FHIT: variants seen among roughly 807,000 people sequenced by gnomAD.
FHIT encodes the protein fragile histidine triad diadenosine triphosphatase, also known as bis(5'-adenosyl)-triphosphatase.
A neutral mutation model predicts 17.9 loss-of-function variants in FHIT; 19 were observed. The observed-to-expected ratio is 1.06, with a 90% CI of 0.74 to 1.56. The LOEUF (loss-of-function observed/expected upper bound fraction) is 1.56, where lower values mean the gene tolerates loss of function less well. FHIT is among the 40% of genes most tolerant of loss of function. The probability of loss-of-function intolerance (pLI) is 0.00; values close to 1 mark genes in which losing one functional copy is unlikely to be tolerated. For missense variants in FHIT, 248 were observed against 189.2 expected, an observed-to-expected ratio of 1.31 and a Z score of -1.82; for synonymous variants, 81 against 69.7, an observed-to-expected ratio of 1.16 and a Z score of -0.81.
chr3:60,860,725 T>C (rs1229473641), intron 3 of FHIT, among the ~76,000 whole-genome samples: 1 of 106,328 alleles, frequency 9.4e-6, no homozygotes, highest in Non-Finnish European at 2.0e-5. Context: ...ATATCAGGTA[T>C]ATATGTACAT....
At chr3:60,420,506 A>G (rs545049546) in intron 5 of FHIT, among the ~76,000 whole-genome samples, 1 of 152,280 alleles carries the variant, frequency 6.6e-6, no homozygotes, top group African/African-American at 2.4e-5. Flanking sequence ...ACTGCTAAGC[A>G]ATATATATAG....
intron 5 of FHIT, among the ~76,000 whole-genome samples, chr3:60,120,388 T>A (rs2107217556): frequency 6.6e-6 from 1 of 152,374 alleles, no homozygotes; most frequent in African/African-American, 2.4e-5. Flanking sequence ...AAAACTTCAC[T>A]GAACTGAAAT....
rs73836196 is a variant in FHIT, at chr3:60,861,434, C to T, written c.-110-39423G>A. 5.3e-3 allele frequency among the ~76,000 whole-genome samples: 797 copies of T among 151,078 alleles called. 8 individuals are homozygous for T. Among genetic ancestry groups the T allele is most frequent in the African/African-American group, 0.017 (707 of 41,140 alleles). On this transcript the variant is annotated intron_variant, in intron 3 of 9. Transcript: ENST00000492590. ...CTATGCATTGTAGGGTGTTGAGCAG[C>T]ATCCCTGGCCTCTATCCTGCTAGAT...
chr3:61,052,115 CTATA>C (rs1420718777), intron 2 of FHIT, among the ~76,000 whole-genome samples: 2 of 152,180 alleles, frequency 1.3e-5, no homozygotes, highest in Non-Finnish European at 2.9e-5. Context: ...CTCAGAGAGG[CTATA>C]AGGCATATAC....
intron 5 of FHIT, among the ~76,000 whole-genome samples, chr3:60,130,375 C>T (rs1699487952): frequency 6.6e-6 from 1 of 152,150 alleles, no homozygotes; most frequent in Non-Finnish European, 1.5e-5. Context: ...CTATAACTAG[C>T]ACTATCCATG....
At chr3:60,076,950 A>G (rs1017025811) in intron 5 of FHIT, among the ~76,000 whole-genome samples, 3 of 152,218 alleles carry the variant, frequency 2.0e-5, no homozygotes, top group African/African-American at 7.2e-5. Context: ...AATTTAAGGC[A>G]AAAAGTTAAG....
chr3:59,907,020 A>G (rs1704614725), intron 8 of FHIT, among the ~76,000 whole-genome samples: 1 of 152,210 alleles, frequency 6.6e-6, no homozygotes, highest in Non-Finnish European at 1.5e-5. Context: ...GTGTCATAGA[A>G]TCACAAAGTA....
At chr3:60,157,428 G>A (rs1470752650) in intron 5 of FHIT, among the ~76,000 whole-genome samples, 2 of 152,104 alleles carry the variant, frequency 1.3e-5, no homozygotes, top group African/African-American at 4.8e-5. Context: ...TGAGAGTTTT[G>A]ATTAGATGAC....
rs147380895 is a variant in FHIT at position 60,199,884 on chromosome 3, G to A, written c.104-185732C>T. On this transcript the variant is annotated intron_variant, in intron 5 of 9. Transcript: ENST00000492590. ...CAAACTGGGGGTGTCAAACATAGGGGACTAAAAATGTGAAATATACCAGTA... is the reference window on the plus strand; with the variant it reads ...CAAACTGGGGGTGTCAAACATAGGGAACTAAAAATGTGAAATATACCAGTA... Among the ~76,000 whole-genome samples the A allele has an allele frequency of 1.2e-3, 183 of 152,166 alleles. 1 individual carries two copies. The highest frequency in any genetic ancestry group is 2.2e-3 in the Non-Finnish European group (147 of 67,988).
chr3:60,931,337 A>G (rs1463860427), intron 3 of FHIT, among the ~76,000 whole-genome samples: 2 of 152,248 alleles, frequency 1.3e-5, no homozygotes, highest in African/African-American at 2.4e-5. Context: ...CACGTTGTGC[A>G]CATGTACCCT....
chr3:60,325,202 C>T (rs1709633426), intron 5 of FHIT, among the ~76,000 whole-genome samples: 1 of 152,074 alleles, frequency 6.6e-6, no homozygotes, highest in Non-Finnish European at 1.5e-5. Context: ...AGCCATGCTA[C>T]ATATTTTTAT....
intron 3 of FHIT, among the ~76,000 whole-genome samples, chr3:60,919,366 T>A (rs1344283531): frequency 1.3e-5 from 2 of 151,724 alleles, no homozygotes; most frequent in African/African-American, 4.9e-5. Context: ...CTTTATACTA[T>A]ATGTGAATTA....
chr3:60,014,165 C>G lies in FHIT; in HGVS notation c.104-13G>C, dbSNP rs1280088390. 1.9e-6 allele frequency: 3 copies of G among 1,613,638 alleles called. No homozygotes were observed. The highest frequency in any genetic ancestry group is 2.5e-6 in the Non-Finnish European group (3 of 1,179,786). ...CACACAAGGACATCTGTAGCAAGGT[C>G]TGTTAAGGCCCATGCTGCTGGCTTT... On this transcript the variant is annotated splice_polypyrimidine_tract_variant and intron_variant, in intron 5 of 9. Coordinates refer to ENST00000492590, the MANE Select transcript of FHIT (RefSeq NM_002012.4).
intron 8 of FHIT, among the ~76,000 whole-genome samples, chr3:59,806,249 G>C (rs1251189035): frequency 6.6e-6 from 1 of 151,926 alleles, no homozygotes; most frequent in African/African-American, 2.4e-5. Context: ...GACATTACAT[G>C]TGTTATGTGG....
At chr3:60,130,923 A>G (rs1699539604) in intron 5 of FHIT, among the ~76,000 whole-genome samples, 1 of 149,702 alleles carries the variant, frequency 6.7e-6, no homozygotes, top group African/African-American at 2.5e-5. Flanking sequence ...ATGTATACAT[A>G]CATATATGTT....
At chr3:60,596,782 C>A (rs1010894990) in intron 4 of FHIT, among the ~76,000 whole-genome samples, 2 of 152,120 alleles carry the variant, frequency 1.3e-5, no homozygotes, top group Admixed American at 6.6e-5. Context: ...ATAATACTTT[C>A]TATCTCATAA....
At chr3:60,651,399 A>G (rs1233333906) in intron 4 of FHIT, among the ~76,000 whole-genome samples, 2 of 152,160 alleles carry the variant, frequency 1.3e-5, no homozygotes, top group East Asian at 3.8e-4. Flanking sequence ...TTAAAATTAA[A>G]ATTTATTTTA....
At chr3:60,049,454 AATC>A (rs1701786039) in intron 5 of FHIT, among the ~76,000 whole-genome samples, 1 of 129,754 alleles carries the variant, frequency 7.7e-6, no homozygotes, top group Non-Finnish European at 1.9e-5. Context: ...TATCTTGATG[AATC>A]TTCTTTTTTC....
chr3:60,373,239 C>T (rs1049901213), intron 5 of FHIT, among the ~76,000 whole-genome samples: 10 of 152,120 alleles, frequency 6.6e-5, no homozygotes, highest in Non-Finnish European at 1.2e-4. Context: ...AGGGCTGATA[C>T]AGCCCAGTCC....
Sources: gnomAD v4.1 joint callset for allele counts (sites outside exome capture counted in the v4.1 genomes callset) on GRCh38, gnomAD v4.1.1 for gene constraint, MANE v1.5 for transcripts, NCBI Gene and HGNC (gene_info 2026-07-23, HGNC 2026-07-21) for gene names.